GOLIM4: variants seen among roughly 807,000 people sequenced by gnomAD.
GOLIM4 encodes golgi integral membrane protein 4, also known as 130 kDa golgi-localized phosphoprotein.
In GOLIM4, 71 loss-of-function variants were observed where a neutral mutation model predicts 107.4. The observed-to-expected ratio is 0.66, with a 90% CI of 0.55 to 0.81. The LOEUF is 0.81. Ranked by LOEUF, GOLIM4 falls within the 30% of genes least tolerant of loss-of-function variation. The pLI is 0.00. For missense variants in GOLIM4, 830 were observed against 826.1 expected (o/e 1.00, Z -0.06); for synonymous variants, 327 against 294.8 (o/e 1.11, Z -1.12).
chr3:168,094,942 C>T (rs925128189), intron 1 of GOLIM4, among the ~76,000 whole-genome samples, 157 bp downstream of exon 1: 2 of 152,192 alleles, frequency 1.3e-5, no homozygotes, highest in Admixed American at 6.5e-5. Context: ...TCCCCTGACA[C>T]TCTGGTGCCG....
chr3:168,019,667 ATTTCCT>A (rs1245677812), intron 14 of GOLIM4, among the ~76,000 whole-genome samples: 1 of 152,192 alleles, frequency 6.6e-6, no homozygotes, highest in Non-Finnish European at 1.5e-5. Context: ...TAGTCTCAAC[ATTTCCT>A]ATAAATGGAA....
chr3:168,075,442 A>G (rs9852685), intron 1 of GOLIM4, among the ~76,000 whole-genome samples: 83,956 of 147,800 alleles, frequency 0.57, 25,490 homozygotes, highest in African/African-American at 0.76. Context: ...GACTACAGGC[A>G]CCCGCCACTA....
At chr3:168,092,020 A>G (rs890901076) in intron 1 of GOLIM4, among the ~76,000 whole-genome samples, 1 of 152,170 alleles carries the variant, frequency 6.6e-6, no homozygotes, top group Non-Finnish European at 1.5e-5. Flanking sequence ...AGCTTTAAAG[A>G]CTTTTGAAGC....
At chr3:168,065,509 T>G (rs887697853) in intron 1 of GOLIM4, among the ~76,000 whole-genome samples, 31 of 152,236 alleles carry the variant, frequency 2.0e-4, no homozygotes, top group Non-Finnish European at 7.3e-5. Context: ...TGTATGACTG[T>G]GTAAAATGCG....
intron 8 of GOLIM4, among the ~76,000 whole-genome samples, chr3:168,036,539 C>T (rs1718664279): frequency 6.6e-6 from 1 of 152,136 alleles, no homozygotes; most frequent in Non-Finnish European, 1.5e-5. Context: ...ATGACACTGT[C>T]TCAGAGAAAA....
intron 14 of GOLIM4, among the ~76,000 whole-genome samples, chr3:168,023,933 A>T (rs1717850732): frequency 6.6e-6 from 1 of 152,242 alleles, no homozygotes; most frequent in South Asian, 2.1e-4. Flanking sequence ...AATGAAAAGC[A>T]AACTAAAATA....
chr3:168,082,580 G>A (rs1332082005), intron 1 of GOLIM4, among the ~76,000 whole-genome samples: 1 of 152,140 alleles, frequency 6.6e-6, no homozygotes, highest in Non-Finnish European at 1.5e-5. Context: ...ACGAGAGAAA[G>A]AACAGTATGT....
chr3:168,082,777 A>G (rs1396706456), intron 1 of GOLIM4, among the ~76,000 whole-genome samples: 1 of 152,128 alleles, frequency 6.6e-6, no homozygotes, highest in African/African-American at 2.4e-5. Context: ...AGTGAACATC[A>G]TGGCAGAAAC....
Position 168,025,097 on chromosome 3 carries a change from T to C in GOLIM4, c.1624-2A>G. On this transcript the variant is annotated splice_acceptor_variant, in intron 12 of 15. Coordinates refer to ENST00000470487, the MANE Select transcript of GOLIM4 (RefSeq NM_014498.5). LOFTEE classifies it high-confidence loss of function. ...GTTTATATCTTCTACAGCTGCCCTC[T>C]GTAAAATTTTAATAAAAAGCAACTA... 1 of 1,598,696 alleles carries C rather than the reference T, an allele frequency of 6.3e-7. No individual in the cohort carries two copies. The highest frequency in any genetic ancestry group is 8.5e-7 in the Non-Finnish European group (1 of 1,174,242).
intron 1 of GOLIM4, among the ~76,000 whole-genome samples, chr3:168,066,810 C>T (rs567749627): frequency 6.6e-6 from 1 of 152,146 alleles, no homozygotes; most frequent in South Asian, 2.1e-4. Context: ...CTTACATGCA[C>T]AATGCTTAAA....
intron 1 of GOLIM4, among the ~76,000 whole-genome samples, chr3:168,088,942 C>A (rs77365797): frequency 0.025 from 3,784 of 152,284 alleles, 141 homozygotes; most frequent in African/African-American, 0.078. Flanking sequence ...ACAAGTAATT[C>A]TCTTACACAG....
At chr3:168,015,944 G>A (rs1577501274) in intron 14 of GOLIM4, among the ~76,000 whole-genome samples, 1 of 134,380 alleles carries the variant, frequency 7.4e-6, no homozygotes, top group East Asian at 2.0e-4. Context: ...AACCCTGGAA[G>A]AAAACCTAGG....
chr3:168,045,682 C>T (rs1719259100), intron 3 of GOLIM4, among the ~76,000 whole-genome samples: 2 of 152,274 alleles, frequency 1.3e-5, no homozygotes, highest in South Asian at 4.2e-4. Flanking sequence ...TCACTTTACC[C>T]TGCCAGCACA....
chr3:168,055,310 T>G (rs1719882439), intron 1 of GOLIM4, among the ~76,000 whole-genome samples: 1 of 152,180 alleles, frequency 6.6e-6, no homozygotes, highest in African/African-American at 2.4e-5. Flanking sequence ...ATATGGACAC[T>G]GAAATCCAGT....
At chr3:168,071,146 G>A (rs549455353) in intron 1 of GOLIM4, among the ~76,000 whole-genome samples, 15 of 152,132 alleles carry the variant, frequency 9.9e-5, no homozygotes, top group South Asian at 2.1e-4. Flanking sequence ...GCATCCCATC[G>A]TCAGTGATTT....
chr3:168,029,871 C>G lies in GOLIM4; in HGVS notation c.1342G>C (p.Glu448Gln), dbSNP rs62637708. The part of the protein sequence containing the change: ...RLQGHLLRQQ[E>Q]QQQQQVAREM... ...CTTGCCACCTGCTGCTGCTGCTGTT[C>G]CTGCTGCCGTAGTAAGTGCCCCTGC... Residue 448 changes from glutamate (E) to glutamine (Q), a missense_variant, in exon 10 of 16, where the codon GAA (glutamate) becomes CAA (glutamine). Transcript: ENST00000470487. The G allele has an allele frequency of 0.011, 17,727 of 1,614,004 alleles. 1,140 individuals are homozygous for G. The African/African-American group carries it at 0.17, about 16-fold the overall frequency.
At chr3:168,019,262 C>G (rs1051214014) in intron 14 of GOLIM4, among the ~76,000 whole-genome samples, 1 of 152,174 alleles carries the variant, frequency 6.6e-6, no homozygotes. Flanking sequence ...CTCCAATGTT[C>G]AAAAGCTATT....
At chr3:168,012,711 C>T (rs1305684270) in intron 14 of GOLIM4, among the ~76,000 whole-genome samples, 2 of 151,970 alleles carry the variant, frequency 1.3e-5, no homozygotes, top group African/African-American at 2.4e-5. Flanking sequence ...CTCTACAAGC[C>T]AGAAGAGAGT....
chr3:168,095,614 C>T lies in GOLIM4; in HGVS notation c.-329G>A, dbSNP rs904520491. 3 of 277,686 alleles carry T rather than the reference C, an allele frequency of 1.1e-5. No individual in the cohort carries two copies. Among genetic ancestry groups the T allele is most frequent in the Non-Finnish European group, 2.0e-5 (3 of 148,164 alleles). The allele number at this position is 277,686 out of a possible 1,614,324, so 17.2% of individuals were successfully genotyped here. On this transcript the variant is annotated 5_prime_UTR_variant, in exon 1 of 16. Coordinates refer to ENST00000470487, the MANE Select transcript of GOLIM4 (RefSeq NM_014498.5). Reference sequence around the variant, plus strand: ...CCCCAGATGCCTCCTGCCTTTTTTCCTTCTTCCCACTTTTTGGCCCCGCTG... The same window carrying T: ...CCCCAGATGCCTCCTGCCTTTTTTCTTTCTTCCCACTTTTTGGCCCCGCTG...
Sources: gnomAD v4.1 joint callset for allele counts (sites outside exome capture counted in the v4.1 genomes callset) on GRCh38, gnomAD v4.1.1 for gene constraint, MANE v1.5 for transcripts, NCBI Gene and HGNC (gene_info 2026-07-23, HGNC 2026-07-21) for gene names.